Variants in ME1 observed in about 807,000 individuals in gnomAD.
The protein encoded by ME1 is NADP-dependent malic enzyme.
A neutral mutation model predicts 66.4 loss-of-function variants in ME1; 74 were observed. The observed-to-expected ratio is 1.11, with a 90% CI of 0.92 to 1.35. The LOEUF (loss-of-function observed/expected upper bound fraction) is 1.35, where lower values mean the gene tolerates loss of function less well. Ranked by LOEUF, ME1 falls within the 40% of genes most tolerant of loss-of-function variation. The probability of loss-of-function intolerance (pLI) is 0.00; values close to 1 mark genes in which losing one functional copy is unlikely to be tolerated. For missense variants in ME1, 750 were observed against 694.1 expected (o/e 1.08, Z -0.90); for synonymous variants, 251 against 235.6 (o/e 1.07, Z -0.60).
At chr6:83,425,786 A>C (rs1340245090) in intron 1 of ME1, among the ~76,000 whole-genome samples, 1 of 152,244 alleles carries the variant, frequency 6.6e-6, no homozygotes, top group Non-Finnish European at 1.5e-5. Context: ...GTGTTTTTAA[A>C]TCCAGGGTCT....
At chr6:83,285,051 A>G (rs1268625139) in intron 6 of ME1, among the ~76,000 whole-genome samples, 1 of 152,146 alleles carries the variant, frequency 6.6e-6, no homozygotes, top group African/African-American at 2.4e-5. Flanking sequence ...TCTTTTTCAT[A>G]TGATGATCTG....
At chr6:83,279,152 T>A (rs1182211571) in intron 6 of ME1, among the ~76,000 whole-genome samples, 1 of 152,180 alleles carries the variant, frequency 6.6e-6, no homozygotes, top group African/African-American at 2.4e-5. Flanking sequence ...TGAAGAACTT[T>A]TAGCCTCTAA....
intron 12 of ME1, among the ~76,000 whole-genome samples, chr6:83,217,558 G>A (rs529080843): frequency 6.6e-6 from 1 of 152,122 alleles, no homozygotes. Flanking sequence ...AACAGAGTAC[G>A]GGAAGAAAAA....
chr6:83,355,917 A>G (rs1768880075), intron 3 of ME1, among the ~76,000 whole-genome samples: 2 of 152,260 alleles, frequency 1.3e-5, no homozygotes, highest in South Asian at 2.1e-4. Flanking sequence ...AGACATGCCA[A>G]CTAAGAATAC....
At chr6:83,298,355 T>A (rs1025701033) in intron 6 of ME1, among the ~76,000 whole-genome samples, 1 of 152,202 alleles carries the variant, frequency 6.6e-6, no homozygotes, top group Non-Finnish European at 1.5e-5. Context: ...GCCACATAAA[T>A]GTCTTCTTTT....
chr6:83,225,678 G>A lies in ME1; in HGVS notation c.1275+1657C>T, dbSNP rs527762523. Among the ~76,000 whole-genome samples the A allele has an allele frequency of 9.2e-5, 14 of 151,954 alleles. No homozygotes were observed. The South Asian group carries it at 2.5e-3, about 27-fold the overall frequency. On this transcript the variant is annotated intron_variant, in intron 11 of 13. Coordinates refer to ENST00000369705, the MANE Select transcript of ME1 (RefSeq NM_002395.6). ...TGCACAGAATTCGGTTTTGTTTTCA[G>A]ACAAGTCTGATACCTTAAGCTCTTT...
intron 13 of ME1, among the ~76,000 whole-genome samples, chr6:83,213,081 G>T: frequency 7.0e-6 from 1 of 143,036 alleles, no homozygotes; most frequent in African/African-American, 2.7e-5. Flanking sequence ...CACCCAGGTT[G>T]GAGTGCAGTG....
At chr6:83,312,798 G>A (rs1405408020) in intron 6 of ME1, among the ~76,000 whole-genome samples, 1 of 151,934 alleles carries the variant, frequency 6.6e-6, no homozygotes, top group African/African-American at 2.4e-5. Flanking sequence ...TGTTGCCCAG[G>A]CTGGAGTGCG....
Position 83,230,127 on chromosome 6 carries a change from TG to T in ME1, c.1027-1197del, listed in dbSNP as rs1336854578. Among the ~76,000 whole-genome samples, 7 of 145,816 alleles carry T rather than the reference TG, an allele frequency of 4.8e-5. No homozygotes were observed. The East Asian group carries it at 1.5e-3, about 31-fold the overall frequency. On this transcript the variant is annotated intron_variant, in intron 9 of 13. Coordinates refer to ENST00000369705, the MANE Select transcript of ME1 (RefSeq NM_002395.6). ...AGGCGTGAGCCACCATGCCAGGCTCTGTTTTTTTTTGTTGTTGTTGTTGTTG... is the reference window on the plus strand; with the variant it reads ...AGGCGTGAGCCACCATGCCAGGCTCTTTTTTTTTTGTTGTTGTTGTTGTTG...
chr6:83,212,434 C>T (rs935550175), intron 13 of ME1, among the ~76,000 whole-genome samples: 1 of 152,136 alleles, frequency 6.6e-6, no homozygotes, highest in African/African-American at 2.4e-5. Flanking sequence ...CCTAAATAGT[C>T]CTGCTAAACT....
intron 6 of ME1, among the ~76,000 whole-genome samples, chr6:83,276,587 T>C (rs1027295794): frequency 6.6e-6 from 1 of 152,208 alleles, no homozygotes; most frequent in African/African-American, 2.4e-5. Flanking sequence ...TCTTGCTCCA[T>C]ACAATGAAAA....
At chr6:83,264,048 A>G (rs932005809) in intron 6 of ME1, among the ~76,000 whole-genome samples, 2 of 152,236 alleles carry the variant, frequency 1.3e-5, no homozygotes, top group African/African-American at 4.8e-5. Context: ...TTCAAAGAAT[A>G]GGCTGACACC....
intron 6 of ME1, among the ~76,000 whole-genome samples, chr6:83,270,216 A>G (rs1767059390): frequency 6.6e-6 from 1 of 152,164 alleles, no homozygotes; most frequent in African/African-American, 2.4e-5. Context: ...AAGACATTAT[A>G]CATTTAAAAA....
intron 1 of ME1, among the ~76,000 whole-genome samples, chr6:83,419,621 A>G (rs1326528533): frequency 1.3e-5 from 2 of 152,240 alleles, no homozygotes; most frequent in Non-Finnish European, 2.9e-5. Flanking sequence ...AGTGGCAGAC[A>G]TACTTTTCAC....
At chr6:83,331,615 G>A (rs1768412892) in intron 5 of ME1, among the ~76,000 whole-genome samples, 1 of 150,572 alleles carries the variant, frequency 6.6e-6, no homozygotes, top group African/African-American at 2.4e-5. Flanking sequence ...GAGGAAATTA[G>A]GATACAGACA....
chr6:83,343,420 T>C (rs1768627538), intron 5 of ME1, among the ~76,000 whole-genome samples: 1 of 152,236 alleles, frequency 6.6e-6, no homozygotes. Context: ...AAAGGTATTC[T>C]CCGGTGACCT....
At chr6:83,366,999 T>C (rs943808455) in intron 3 of ME1, among the ~76,000 whole-genome samples, 1 of 152,170 alleles carries the variant, frequency 6.6e-6, no homozygotes, top group African/African-American at 2.4e-5. Context: ...GTATTTCTTA[T>C]ATAATAAGAC....
chr6:83,430,747 C>T (rs1400738106), intron 1 of ME1, 130 bp downstream of exon 1: 6 of 735,848 alleles, frequency 8.2e-6, no homozygotes, highest in African/African-American at 3.8e-5. Flanking sequence ...CCCCCCAGGC[C>T]GCGGCCGCTC....
intron 6 of ME1, among the ~76,000 whole-genome samples, chr6:83,309,155 C>T (rs1312208433): frequency 1.3e-5 from 2 of 152,058 alleles, no homozygotes; most frequent in East Asian, 3.8e-4. Flanking sequence ...AAATGATAAG[C>T]TTTCCTGGGG....
Sources: allele counts gnomAD v4.1 joint callset (sites outside exome capture counted in the v4.1 genomes callset), GRCh38; gene constraint gnomAD v4.1.1; transcripts MANE v1.5; gene names NCBI Gene and HGNC (gene_info 2026-07-23, HGNC 2026-07-21).